Variants in ENOX1 observed in about 807,000 individuals in gnomAD.
ENOX1 encodes the protein ecto-NOX disulfide-thiol exchanger 1.
ENOX1 carries 42 observed loss-of-function variants against 82.5 expected under a neutral mutation model. The observed-to-expected ratio is 0.51, with a 90% CI of 0.40 to 0.66. The LOEUF (loss-of-function observed/expected upper bound fraction) is 0.66. Among genes scored for constraint, ENOX1 ranks in the 30% least tolerant of loss-of-function variants. ENOX1 has a pLI of 0.00. For missense variants in ENOX1, 608 were observed against 811.6 expected, an observed-to-expected ratio of 0.75 and a Z score of 3.05; for synonymous variants, 271 against 282.2, an observed-to-expected ratio of 0.96 and a Z score of 0.40.
intron 1 of ENOX1, among the ~76,000 whole-genome samples, chr13:43,695,102 G>A (rs1213928672): frequency 6.6e-6 from 1 of 152,098 alleles, no homozygotes; most frequent in Admixed American, 6.6e-5. Flanking sequence ...TGAGTGAGTG[G>A]GGCTTAGTCC....
intron 14 of ENOX1, among the ~76,000 whole-genome samples, chr13:43,245,400 T>G (rs866235796): frequency 3.9e-5 from 6 of 152,274 alleles, no homozygotes; most frequent in Middle Eastern, 3.4e-3. Flanking sequence ...AACTTATCCT[T>G]TATTTCTGAT....
intron 2 of ENOX1, among the ~76,000 whole-genome samples, chr13:43,509,026 C>T (rs2077274068): frequency 6.6e-6 from 1 of 151,954 alleles, no homozygotes; most frequent in Admixed American, 6.6e-5. Context: ...ATGCAGCTCT[C>T]AGCATTTAAA....
intron 1 of ENOX1, among the ~76,000 whole-genome samples, chr13:43,763,805 T>A (rs775655069): frequency 6.6e-6 from 1 of 152,206 alleles, no homozygotes; most frequent in Non-Finnish European, 1.5e-5. Flanking sequence ...AAGAAAACAT[T>A]ACTGAAAATG....
At chr13:43,221,963 C>A (rs1464915249) in intron 16 of ENOX1, among the ~76,000 whole-genome samples, 1 of 152,120 alleles carries the variant, frequency 6.6e-6, no homozygotes, top group Non-Finnish European at 1.5e-5. Context: ...TGGTGCCCAG[C>A]AGTTTTAGAG....
At chr13:43,458,054 C>G (rs1011514738) in intron 3 of ENOX1, among the ~76,000 whole-genome samples, 1 of 152,136 alleles carries the variant, frequency 6.6e-6, no homozygotes, top group Non-Finnish European at 1.5e-5. Flanking sequence ...ATAAATTTGT[C>G]TAGCTCAAAT....
At chr13:43,666,091 C>T (rs1243959288) in intron 2 of ENOX1, among the ~76,000 whole-genome samples, 3 of 151,824 alleles carry the variant, frequency 2.0e-5, no homozygotes, top group African/African-American at 4.8e-5. Context: ...AATGAACACA[C>T]CTTAATTTAG....
intron 1 of ENOX1, among the ~76,000 whole-genome samples, chr13:43,721,674 G>A (rs556984718): frequency 3.9e-5 from 6 of 152,002 alleles, no homozygotes; most frequent in African/African-American, 1.5e-4. Flanking sequence ...CACCACGCCC[G>A]GCCTATATTT....
chr13:43,663,002 A>C (rs905821110), intron 2 of ENOX1, among the ~76,000 whole-genome samples: 1 of 152,188 alleles, frequency 6.6e-6, no homozygotes, highest in African/African-American at 2.4e-5. Context: ...GGATTTTGAA[A>C]ATGGAATCTA....
intron 1 of ENOX1, among the ~76,000 whole-genome samples, chr13:43,701,868 A>G (rs1340154267): frequency 1.3e-5 from 2 of 152,182 alleles, no homozygotes. Flanking sequence ...ACTCATTTGT[A>G]CATGTGTATG....
At chr13:43,506,344 T>C (rs1307891346) in intron 2 of ENOX1, among the ~76,000 whole-genome samples, 13 of 150,230 alleles carry the variant, frequency 8.7e-5, no homozygotes, top group Admixed American at 2.0e-4. Flanking sequence ...CAACAGGTGC[T>C]GGAGAGGATG....
At chr13:43,373,595 C>T (rs1228683023) in intron 5 of ENOX1, among the ~76,000 whole-genome samples, 1 of 152,208 alleles carries the variant, frequency 6.6e-6, no homozygotes, top group African/African-American at 2.4e-5. Context: ...CACATACACA[C>T]ACGTGTGCAT....
intron 2 of ENOX1, among the ~76,000 whole-genome samples, chr13:43,615,325 A>T (rs2153741737): frequency 6.6e-6 from 1 of 152,200 alleles, no homozygotes; most frequent in South Asian, 2.1e-4. Context: ...GTGAGCAATA[A>T]CGCCCCCCAA....
chr13:43,534,856 G>T (rs1017666109), intron 2 of ENOX1, among the ~76,000 whole-genome samples: 8 of 152,124 alleles, frequency 5.3e-5, no homozygotes, highest in African/African-American at 1.4e-4. Context: ...CCAAAACAAG[G>T]TATTATTTAG....
chr13:43,532,516 G>C (rs1402610541), intron 2 of ENOX1, among the ~76,000 whole-genome samples: 3 of 152,044 alleles, frequency 2.0e-5, no homozygotes, highest in Non-Finnish European at 4.4e-5. Flanking sequence ...AGCAATGGTT[G>C]GTAAAACTGC....
chr13:43,306,435 C>T (rs1371036935), intron 11 of ENOX1, among the ~76,000 whole-genome samples: 1 of 152,118 alleles, frequency 6.6e-6, no homozygotes, highest in African/African-American at 2.4e-5. Context: ...CTTCTAAAGG[C>T]TTTAAAGATT....
At chr13:43,709,869 T>C (rs1454987362) in intron 1 of ENOX1, among the ~76,000 whole-genome samples, 1 of 152,096 alleles carries the variant, frequency 6.6e-6, no homozygotes, top group African/African-American at 2.4e-5. Flanking sequence ...CCGGAAATAA[T>C]AATTTTTAAA....
chr13:43,755,202 A>G (rs544379909), intron 1 of ENOX1, among the ~76,000 whole-genome samples: 1 of 152,310 alleles, frequency 6.6e-6, no homozygotes, highest in East Asian at 1.9e-4. Context: ...TTGGTTAAAC[A>G]TGAGCTTTTA....
At chr13:43,702,866 T>C (rs935544592) in intron 1 of ENOX1, among the ~76,000 whole-genome samples, 5 of 143,878 alleles carry the variant, frequency 3.5e-5, no homozygotes, top group African/African-American at 1.3e-4. Context: ...GGCAGAAGTA[T>C]GGCTTGAAGC....
chr13:43,390,706 G>C (rs1206719498), intron 5 of ENOX1, among the ~76,000 whole-genome samples: 1 of 151,966 alleles, frequency 6.6e-6, no homozygotes, highest in South Asian at 2.1e-4. Flanking sequence ...TCTTAATTCT[G>C]TCTCATTGCC....
Sources: gnomAD v4.1 joint callset for allele counts (sites outside exome capture counted in the v4.1 genomes callset) on GRCh38, gnomAD v4.1.1 for gene constraint, MANE v1.5 for transcripts, NCBI Gene and HGNC (gene_info 2026-07-23, HGNC 2026-07-21) for gene names.